FLT1: variants seen among roughly 807,000 people sequenced by gnomAD.
FLT1 encodes vascular endothelial growth factor receptor 1.
In FLT1, 49 loss-of-function variants were observed where a neutral mutation model predicts 156.3. The observed-to-expected ratio is 0.31, with a 90% CI of 0.25 to 0.40. The LOEUF is 0.40. FLT1 is among the 10% of genes least tolerant of loss of function. FLT1 has a pLI of 1.00. For synonymous variants in FLT1, 594 were observed against 583.8 expected (o/e 1.02, Z -0.25); for missense variants, 1,322 against 1,637.2 (o/e 0.81, Z 3.32).
At chr13:28,430,232 C>T in intron 7 of FLT1, 65 bp from the exon 8 acceptor site, 1 of 1,118,340 alleles carries the variant, frequency 8.9e-7, no homozygotes, top group East Asian at 2.4e-5. Context: ...ACCTTAGGGC[C>T]TCATTCAGGG....
At chr13:28,412,350 C>CTTTCTTTCTTTCTTTTCTTTCTTTCTTTT (rs71086853) in intron 10 of FLT1, among the ~76,000 whole-genome samples, 1,233 of 93,758 alleles carry the variant, frequency 0.013, 25 homozygotes, top group East Asian at 0.027. Context: ...TTCTTTCTTT[C>CTTTCTTTCTTTCTTTTCTTTCTTTCTTTT]TCTTTCTTTC....
At chr13:28,312,695 T>A (rs1871054658) in intron 25 of FLT1, among the ~76,000 whole-genome samples, 1 of 152,150 alleles carries the variant, frequency 6.6e-6, no homozygotes, top group South Asian at 2.1e-4. Context: ...AGGTCCTGCG[T>A]ACATGACTTT....
intron 15 of FLT1, among the ~76,000 whole-genome samples, chr13:28,346,736 G>C (rs1872580790): frequency 6.6e-6 from 1 of 152,160 alleles, no homozygotes; most frequent in Non-Finnish European, 1.5e-5. Flanking sequence ...GAAAGAGAGA[G>C]AGACAGACAG....
intron 14 of FLT1, among the ~76,000 whole-genome samples, chr13:28,379,973 C>G (rs767071138): frequency 5.3e-5 from 8 of 152,128 alleles, no homozygotes; most frequent in African/African-American, 1.7e-4. Context: ...AGCAAGTCAT[C>G]ATTTAAAAAA....
chr13:28,353,250 A>G (rs770263929), intron 15 of FLT1, among the ~76,000 whole-genome samples: 2 of 152,142 alleles, frequency 1.3e-5, no homozygotes, highest in African/African-American at 2.4e-5. Context: ...ATAATACTGA[A>G]ATATAGTAAG....
Position 28,384,924 on chromosome 13 carries a change from T to C in FLT1, c.2077A>G (p.Thr693Ala), listed in dbSNP as rs1401670677. ...ATTTTGTGGTTGTTTTTAAACCAAG[T>C]GATCTGAGGCTCGGGGACACCATTA... is the stretch of plus-strand genomic sequence containing the variant. ...HANGVPEPQI[T>A]WFKNNHKIQQ... Residue 693 changes from threonine to alanine, a missense_variant, in exon 14 of 30, where the codon ACT becomes GCT. Around this residue, in one of 3 missense-constraint regions of FLT1, gnomAD observed 991 missense variants for 1,254.8 expected, o/e 0.79. Transcript: ENST00000282397. The C allele has an allele frequency of 7.4e-6, 12 of 1,614,150 alleles. No individual in the cohort carries two copies. The highest frequency in any genetic ancestry group is 1.0e-5 in the Non-Finnish European group (12 of 1,180,002).
At position 28,306,876 on chromosome 13, in the gene FLT1, C is replaced by T. The variant is rs1870774733; in HGVS notation, c.3721-104G>A. 4 of 775,982 alleles carry T rather than the reference C, an allele frequency of 5.2e-6. No individual in the cohort carries two copies. In the Admixed American group the frequency reaches 5.8e-5, roughly 11 times the overall value. 48.1% of individuals were successfully genotyped at this position (775,982 alleles called of 1,614,324 possible). A position where few individuals can be genotyped will look rare whatever the true frequency, so the allele number is the denominator to read the frequency against. On this transcript the variant is annotated intron_variant, in intron 28 of 29. Coordinates refer to ENST00000282397, the MANE Select transcript of FLT1 (RefSeq NM_002019.4). The stretch of plus-strand genomic sequence containing the variant: ...ATACATCTGTTGATCCAGGCTCTGC[C>T]TCACCCTCCACAATCCCAGCCTATT...
chr13:28,328,846 G>C (rs1405317014), intron 19 of FLT1, among the ~76,000 whole-genome samples: 1 of 152,180 alleles, frequency 6.6e-6, no homozygotes, highest in Non-Finnish European at 1.5e-5. Flanking sequence ...AGGTTGCCAC[G>C]ACAGAGAACT....
intron 16 of FLT1, among the ~76,000 whole-genome samples, chr13:28,340,758 T>C (rs1872303109): frequency 1.3e-5 from 2 of 152,192 alleles, no homozygotes; most frequent in African/African-American, 4.8e-5. Flanking sequence ...ATCATTCTCC[T>C]TCTCACAAAA....
intron 27 of FLT1, among the ~76,000 whole-genome samples, chr13:28,310,693 T>G (rs974021845): frequency 2.0e-5 from 3 of 152,208 alleles, no homozygotes; most frequent in Admixed American, 6.5e-5. Flanking sequence ...TAATACGGGA[T>G]AGATGCGTTT....
At chr13:28,396,558 T>C (rs993019210) in intron 12 of FLT1, among the ~76,000 whole-genome samples, 1 of 152,176 alleles carries the variant, frequency 6.6e-6, no homozygotes, top group Non-Finnish European at 1.5e-5. Flanking sequence ...TGTAAAAAAA[T>C]TAACCTTTTG....
intron 13 of FLT1, chr13:28,386,805 C>T (rs1046211653): frequency 8.6e-6 from 9 of 1,052,508 alleles, no homozygotes; most frequent in Admixed American, 5.5e-5. Context: ...ATTATTTAGT[C>T]GCTTTTACAG....
At chr13:28,306,820 G>A (rs367817939) in intron 28 of FLT1, 48 bp from the exon 29 acceptor site, 8 of 1,284,832 alleles carry the variant, frequency 6.2e-6, no homozygotes, top group South Asian at 1.2e-5. Flanking sequence ...CCCAGCGGGG[G>A]TCCATGCTGA....
rs1472907315 is a variant in FLT1 at position 28,467,148 on chromosome 13, A to C, written c.162-19T>G. ...TTCCCCCCTGCAATCACAGATAAGAAAACAAAACATATTTATGGCTGGGCC... is the reference window on the plus strand; with the variant it reads ...TTCCCCCCTGCAATCACAGATAAGACAACAAAACATATTTATGGCTGGGCC... On this transcript the variant is annotated intron_variant, in intron 2 of 29. Coordinates refer to ENST00000282397, the MANE Select transcript of FLT1 (RefSeq NM_002019.4). 2.2e-5 allele frequency: 35 copies of C among 1,583,026 alleles called. No individual in the cohort carries two copies. Among genetic ancestry groups the C allele is most frequent in the Non-Finnish European group, 2.9e-5 (34 of 1,153,516 alleles).
At chr13:28,421,502 G>A (rs765726122) in intron 10 of FLT1, among the ~76,000 whole-genome samples, 4 of 151,548 alleles carry the variant, frequency 2.6e-5, no homozygotes, top group Non-Finnish European at 4.4e-5. Flanking sequence ...CGGAAAATAC[G>A]GCTTGGCCCC....
chr13:28,382,182 T>A (rs545779676), intron 14 of FLT1, among the ~76,000 whole-genome samples: 65 of 152,340 alleles, frequency 4.3e-4, no homozygotes, highest in Non-Finnish European at 7.6e-4. Flanking sequence ...ACGGAGGATC[T>A]GCCTCCTATT....
At chr13:28,415,356 C>T (rs935306330) in intron 10 of FLT1, among the ~76,000 whole-genome samples, 5 of 152,112 alleles carry the variant, frequency 3.3e-5, no homozygotes, top group Non-Finnish European at 1.5e-5. Context: ...TGGCGCATGC[C>T]TGTAATCCCA....
intron 15 of FLT1, among the ~76,000 whole-genome samples, chr13:28,352,454 C>A (rs1484923163): frequency 2.0e-5 from 3 of 152,200 alleles, no homozygotes; most frequent in Admixed American, 6.5e-5. Flanking sequence ...CAGTTTTATG[C>A]CAGCCTAGTT....
At chr13:28,352,522 C>A (rs1872762102) in intron 15 of FLT1, among the ~76,000 whole-genome samples, 1 of 152,176 alleles carries the variant, frequency 6.6e-6, no homozygotes, top group African/African-American at 2.4e-5. Context: ...GCCTCAAGAA[C>A]TCTCTACAAA....
Sources: gnomAD v4.1 joint callset for allele counts (sites outside exome capture counted in the v4.1 genomes callset) on GRCh38, gnomAD v4.1.1 for gene constraint, gnomAD v4.1.1 regional missense constraint, MANE v1.5 for transcripts, NCBI Gene and HGNC (gene_info 2026-07-23, HGNC 2026-07-21) for gene names.